TEAD1: variants seen among roughly 807,000 people sequenced by gnomAD.
TEAD1 encodes the protein TEA domain transcription factor 1, also known as transcriptional enhancer factor TEF-1.
TEAD1 carries 9 observed loss-of-function variants against 54.9 expected under a neutral mutation model. The ratio of observed to expected loss-of-function variants is 0.16; its 90% CI spans 0.10 to 0.29. TEAD1 has a LOEUF of 0.29. Among genes scored for constraint, TEAD1 ranks in the 10% least tolerant of loss-of-function variants. The pLI, the probability that TEAD1 is intolerant of heterozygous loss-of-function variation, is 1.00. For synonymous variants in TEAD1, 200 were observed against 187.8 expected (o/e 1.07, Z -0.53); for missense variants, 387 against 535.9 (o/e 0.72, Z 2.74).
chr11:12,800,410 A>C (rs1946029943), intron 3 of TEAD1, among the ~76,000 whole-genome samples: 1 of 152,210 alleles, frequency 6.6e-6, no homozygotes, highest in Non-Finnish European at 1.5e-5. Flanking sequence ...GGTGCTCTGG[A>C]GAGAAATACA....
intron 3 of TEAD1, among the ~76,000 whole-genome samples, chr11:12,787,342 G>A (rs1463464198): frequency 6.6e-6 from 1 of 152,184 alleles, no homozygotes; most frequent in East Asian, 1.9e-4. Flanking sequence ...ATATGTTGCA[G>A]TTATCTACCT....
intron 5 of TEAD1, among the ~76,000 whole-genome samples, chr11:12,867,572 T>C (rs1354222928): frequency 6.6e-6 from 1 of 152,196 alleles, no homozygotes; most frequent in Non-Finnish European, 1.5e-5. Flanking sequence ...GGCAGTATAC[T>C]TAACCTTCCT....
intron 3 of TEAD1, among the ~76,000 whole-genome samples, chr11:12,782,656 C>T (rs1945582989): frequency 6.6e-6 from 1 of 152,192 alleles, no homozygotes; most frequent in Admixed American, 6.5e-5. Flanking sequence ...AAGGTAGTAT[C>T]AGTGTATATG....
chr11:12,866,929 G>A (rs1489920132), intron 5 of TEAD1, among the ~76,000 whole-genome samples: 1 of 152,180 alleles, frequency 6.6e-6, no homozygotes, highest in Non-Finnish European at 1.5e-5. Context: ...AGCGGGAGCA[G>A]CCAAAATGAA....
At chr11:12,705,882 A>C (rs975509293) in intron 2 of TEAD1, among the ~76,000 whole-genome samples, 2 of 152,206 alleles carry the variant, frequency 1.3e-5, no homozygotes, top group Non-Finnish European at 2.9e-5. Context: ...GTGATAAATT[A>C]CTGTTGGGTT....
intron 2 of TEAD1, among the ~76,000 whole-genome samples, chr11:12,741,468 A>C (rs183367082): frequency 1.9e-3 from 283 of 152,290 alleles, no homozygotes; most frequent in African/African-American, 6.4e-3. Flanking sequence ...TGTCATATTC[A>C]CTAGAGATGT....
rs566966911 is a variant in TEAD1, at chr11:12,859,144, G to A, written c.203-3106G>A. ...GAGTTGACACTGTTTAACTCCAAGGGGTGCCATTTGTATAGGCTGTGGTAC... is the reference window on the plus strand; with the variant it reads ...GAGTTGACACTGTTTAACTCCAAGGAGTGCCATTTGTATAGGCTGTGGTAC... On this transcript the variant is annotated intron_variant, in intron 3 of 12. Coordinates refer to ENST00000527636, the MANE Select transcript of TEAD1 (RefSeq NM_021961.6). 1.3e-4 allele frequency among the ~76,000 whole-genome samples: 20 copies of A among 152,258 alleles called. 1 individual carries two copies. In the South Asian group the frequency reaches 4.1e-3, roughly 32 times the overall value.
intron 2 of TEAD1, among the ~76,000 whole-genome samples, chr11:12,706,185 C>G (rs1179940078): frequency 6.6e-6 from 1 of 152,226 alleles, no homozygotes; most frequent in Non-Finnish European, 1.5e-5. Flanking sequence ...GCTGACCTCA[C>G]TGAACATTGA....
At chr11:12,758,228 G>GTT (rs200063279) in intron 2 of TEAD1, among the ~76,000 whole-genome samples, 11 of 146,946 alleles carry the variant, frequency 7.5e-5, no homozygotes, top group African/African-American at 2.7e-4. Flanking sequence ...CTAAGTTTTT[G>GTT]TTTTGTTTTT....
chr11:12,900,227 A>ATTTTT (rs3046322), intron 9 of TEAD1, among the ~76,000 whole-genome samples: 1 of 142,604 alleles, frequency 7.0e-6, no homozygotes, highest in African/African-American at 2.6e-5. Flanking sequence ...ACACCTGGTG[A>ATTTTT]TTTTTTTTTT....
intron 3 of TEAD1, among the ~76,000 whole-genome samples, chr11:12,808,592 T>G (rs1284921669): frequency 2.0e-5 from 3 of 152,128 alleles, no homozygotes; most frequent in Non-Finnish European, 4.4e-5. Context: ...GTGCCAGCAC[T>G]CCACCTGCCA....
In TEAD1 at chr11:12,914,516, C is replaced by G. The variant is rs375671637; in HGVS notation, c.874-10396C>G. Reference sequence around the variant, plus strand: ...TTTTCTGAGGGCAGCTCGTTCACTCCCCCTACATGCTGGCTTCCTTGCTGG... The same window carrying G: ...TTTTCTGAGGGCAGCTCGTTCACTCGCCCTACATGCTGGCTTCCTTGCTGG... On this transcript the variant is annotated intron_variant, in intron 10 of 12. Coordinates refer to ENST00000527636, the MANE Select transcript of TEAD1 (RefSeq NM_021961.6). Among the ~76,000 whole-genome samples, 10 of 152,298 alleles carry G rather than the reference C, an allele frequency of 6.6e-5. No individual in the cohort carries two copies. In the East Asian group the frequency reaches 1.9e-3, roughly 29 times the overall value.
At chr11:12,850,041 C>T (rs575368294) in intron 3 of TEAD1, among the ~76,000 whole-genome samples, 8 of 152,298 alleles carry the variant, frequency 5.3e-5, no homozygotes, top group African/African-American at 1.2e-4. Flanking sequence ...CCATGTAGTA[C>T]GGTGTCCTGA....
chr11:12,930,420 C>A, intron 12 of TEAD1, 94 bp downstream of exon 12: 1 of 1,486,444 alleles, frequency 6.7e-7, no homozygotes, highest in Non-Finnish European at 9.3e-7. Context: ...GGGCCTGCGC[C>A]GAGGGAACTG....
At chr11:12,934,821 C>G (rs1261192702) in intron 12 of TEAD1, among the ~76,000 whole-genome samples, 2 of 152,068 alleles carry the variant, frequency 1.3e-5, no homozygotes, top group Non-Finnish European at 2.9e-5. Flanking sequence ...AAACCCAGCA[C>G]TTGTCACGTA....
chr11:12,879,373 T>TA (rs1947919976), intron 5 of TEAD1: 1 of 575,194 alleles, frequency 1.7e-6, no homozygotes, highest in African/African-American at 1.9e-5. Flanking sequence ...TTTTCTTCCT[T>TA]AAATGTTTTA....
Position 12,943,101 on chromosome 11 carries a change from C to A in TEAD1, c.*5879C>A, listed in dbSNP as rs1262290767. On this transcript the variant is annotated 3_prime_UTR_variant, in exon 13 of 13. Transcript: ENST00000527636. ...ATACGTTCTGTGTGTCTCTACCTGG[C>A]GTCTTTAAGAATATCCTCTCTGGGC... The A allele has an allele frequency of 6.6e-6, 1 of 152,206 alleles. No individual in the cohort carries two copies. The highest frequency in any genetic ancestry group is 2.1e-4 in the South Asian group (1 of 4,832). 9.4% of individuals were successfully genotyped at this position (152,206 alleles called of 1,614,324 possible).
At chr11:12,775,942 G>T (rs1945407192) in intron 3 of TEAD1, among the ~76,000 whole-genome samples, 1 of 151,956 alleles carries the variant, frequency 6.6e-6, no homozygotes, top group South Asian at 2.1e-4. Flanking sequence ...ATATTGCCTG[G>T]GTCCACTGTG....
chr11:12,700,927 C>T (rs567549966), intron 2 of TEAD1, among the ~76,000 whole-genome samples: 30 of 152,236 alleles, frequency 2.0e-4, no homozygotes, highest in African/African-American at 6.3e-4. Flanking sequence ...CCCCTTAGCT[C>T]GCTGTGATGG....
Sources: gnomAD v4.1 joint callset for allele counts (sites outside exome capture counted in the v4.1 genomes callset) on GRCh38, gnomAD v4.1.1 for gene constraint, MANE v1.5 for transcripts, NCBI Gene and HGNC (gene_info 2026-07-23, HGNC 2026-07-21) for gene names.